COP1: variants seen among roughly 807,000 people sequenced by gnomAD.
COP1 encodes COP1 E3 ubiquitin ligase, also known as E3 ubiquitin-protein ligase COP1.
Under a neutral mutation model 101.3 loss-of-function variants are expected in COP1, and 24 were observed. The ratio of observed to expected loss-of-function variants is 0.24; its 90% CI spans 0.17 to 0.33. COP1 has a LOEUF of 0.33. Ranked by LOEUF, COP1 falls within the 10% of genes least tolerant of loss-of-function variation. COP1 has a pLI of 1.00. For synonymous variants in COP1, 347 were observed against 341.9 expected (o/e 1.01, Z -0.17); for missense variants, 663 against 906.2 (o/e 0.73, Z 3.45).
chr1:175,971,263 C>G (rs1161443523), intron 18 of COP1, among the ~76,000 whole-genome samples: 1 of 152,082 alleles, frequency 6.6e-6, no homozygotes, highest in Admixed American at 6.6e-5. Context: ...TCTCCAAAAA[C>G]TCACTGCCTG....
chr1:176,036,106 T>C (rs1028718338), intron 14 of COP1, among the ~76,000 whole-genome samples: 1 of 151,986 alleles, frequency 6.6e-6, no homozygotes, highest in Admixed American at 6.5e-5. Flanking sequence ...ATAGCAAATA[T>C]AATAGTAAAT....
At chr1:176,198,709 AC>A (rs1490183764) in intron 1 of COP1, among the ~76,000 whole-genome samples, 1 of 152,186 alleles carries the variant, frequency 6.6e-6, no homozygotes, top group Non-Finnish European at 1.5e-5. Flanking sequence ...ATACCACAAT[AC>A]ACAGGTCTGA....
At chr1:176,055,096 TCA>T (rs2149257395) in intron 11 of COP1, among the ~76,000 whole-genome samples, 1 of 152,310 alleles carries the variant, frequency 6.6e-6, no homozygotes, top group Admixed American at 6.5e-5. Context: ...GACAACTCCA[TCA>T]CAGTCTACTT....
chr1:176,204,446 CG>C (rs371124616), intron 1 of COP1, among the ~76,000 whole-genome samples: 8 of 151,494 alleles, frequency 5.3e-5, no homozygotes, highest in African/African-American at 1.9e-4. Context: ...CACAGCCAAA[CG>C]GGGGGAAAAA....
At chr1:175,975,705 G>C (rs1387181142) in intron 18 of COP1, among the ~76,000 whole-genome samples, 1 of 151,974 alleles carries the variant, frequency 6.6e-6, no homozygotes, top group Non-Finnish European at 1.5e-5. Flanking sequence ...CACTGCACCT[G>C]GCCAACCCTT....
At chr1:176,011,174 A>C (rs1036461570) in intron 15 of COP1, among the ~76,000 whole-genome samples, 1 of 152,224 alleles carries the variant, frequency 6.6e-6, no homozygotes, top group South Asian at 2.1e-4. Flanking sequence ...TTATAAAATT[A>C]GAATAGTGCT....
At chr1:176,151,133 C>G (rs1692365355) in intron 5 of COP1, among the ~76,000 whole-genome samples, 1 of 151,936 alleles carries the variant, frequency 6.6e-6, no homozygotes, top group Non-Finnish European at 1.5e-5. Flanking sequence ...CTCTAAACAT[C>G]TCTTACAATC....
chr1:176,074,791 GAAA>G (rs79480972), intron 11 of COP1, among the ~76,000 whole-genome samples: 4 of 107,272 alleles, frequency 3.7e-5, no homozygotes, highest in Admixed American at 9.1e-5. Flanking sequence ...TTTCAGGAAT[GAAA>G]AAAAAAAAAA....
At chr1:176,083,026 C>G (rs1679469539) in intron 10 of COP1, among the ~76,000 whole-genome samples, 1 of 152,038 alleles carries the variant, frequency 6.6e-6, no homozygotes, top group Non-Finnish European at 1.5e-5. Context: ...GGTATTGAGA[C>G]AAAACTCTTG....
At chr1:176,199,280 G>C (rs1418863471) in intron 1 of COP1, among the ~76,000 whole-genome samples, 1 of 152,066 alleles carries the variant, frequency 6.6e-6, no homozygotes. Flanking sequence ...TCGTGCCACT[G>C]CACTCCAGCT....
At chr1:175,961,938 C>T (rs1032290545) in intron 18 of COP1, among the ~76,000 whole-genome samples, 1 of 151,246 alleles carries the variant, frequency 6.6e-6, no homozygotes, top group African/African-American at 2.4e-5. Context: ...GGAATGATGA[C>T]AAATTGTGTG....
At chr1:176,160,093 T>C (rs1694069681) in intron 5 of COP1, among the ~76,000 whole-genome samples, 2 of 152,050 alleles carry the variant, frequency 1.3e-5, no homozygotes, top group South Asian at 4.2e-4. Context: ...CAGAAAATAA[T>C]AGGAAAGAAT....
rs1700944384 is a variant in COP1 at position 176,207,116 on chromosome 1, G to A, written c.-138C>T. 1.5e-6 allele frequency: 1 copy of A among 646,444 alleles called. No individual in the cohort carries two copies. Among genetic ancestry groups the A allele is most frequent in the Admixed American group, 4.3e-5 (1 of 23,050 alleles). 40.0% of individuals were successfully genotyped at this position (646,444 alleles called of 1,614,324 possible). ...GGAGGTGGGGCTGAGGAACAATAAA[G>A]TTGCGTTTTTTTTTAAGGCAGCCAC... On this transcript the variant is annotated 5_prime_UTR_variant, in exon 1 of 20. Coordinates refer to ENST00000367669, the MANE Select transcript of COP1 (RefSeq NM_022457.7).
intron 1 of COP1, among the ~76,000 whole-genome samples, chr1:176,186,507 T>C (rs1698457705): frequency 6.6e-6 from 1 of 151,952 alleles, no homozygotes; most frequent in Admixed American, 6.6e-5. Context: ...GCCACTGCAC[T>C]CCAGCCCAGG....
At chr1:175,996,787 T>G (rs1383616614) in intron 15 of COP1, among the ~76,000 whole-genome samples, 1 of 152,052 alleles carries the variant, frequency 6.6e-6, no homozygotes, top group African/African-American at 2.4e-5. Context: ...TGCTCATGGG[T>G]AGGAAGAATC....
intron 11 of COP1, among the ~76,000 whole-genome samples, chr1:176,071,321 G>A (rs1676969585): frequency 6.6e-6 from 1 of 152,108 alleles, no homozygotes. Context: ...AAACTGAGCA[G>A]ATGCCAGCAC....
At position 175,945,060 on chromosome 1, in the gene COP1, G is replaced by C; in HGVS notation, c.*93C>G. 1 of 965,660 alleles carries C rather than the reference G, an allele frequency of 1.0e-6. No homozygotes were observed. The highest frequency in any genetic ancestry group is 1.6e-6 in the Non-Finnish European group (1 of 617,396). 59.8% of individuals were successfully genotyped at this position (965,660 alleles called of 1,614,324 possible). On this transcript the variant is annotated 3_prime_UTR_variant, in exon 20 of 20. Transcript: ENST00000367669. The stretch of plus-strand genomic sequence containing the variant: ...CCAAAACCCATGATGACTTTGGGGA[G>C]AGACATCACATGACATTTTCTGTTT...
chr1:176,144,681 A>C (rs1420170543), intron 6 of COP1, among the ~76,000 whole-genome samples: 2 of 152,172 alleles, frequency 1.3e-5, no homozygotes, highest in Non-Finnish European at 2.9e-5. Context: ...GTATTGCGAA[A>C]AAGACCAGTG....
chr1:175,976,770 C>G (rs902689962), intron 18 of COP1, among the ~76,000 whole-genome samples: 2 of 152,148 alleles, frequency 1.3e-5, no homozygotes, highest in Non-Finnish European at 2.9e-5. Context: ...TACATACATT[C>G]AGTTACATAT....
Sources: gnomAD v4.1 joint callset for allele counts (sites outside exome capture counted in the v4.1 genomes callset) on GRCh38, gnomAD v4.1.1 for gene constraint, MANE v1.5 for transcripts, NCBI Gene and HGNC (gene_info 2026-07-23, HGNC 2026-07-21) for gene names.